The following GRIN2A variants were observed in gnomAD, a reference collection of about 807,000 sequenced individuals.
The protein encoded by GRIN2A is glutamate receptor ionotropic, NMDA 2A.
GRIN2A carries 22 observed loss-of-function variants against 113.4 expected under a neutral mutation model. The ratio of observed to expected loss-of-function variants is 0.19; its 90% CI spans 0.14 to 0.28. The LOEUF is 0.28. Among genes scored for constraint, GRIN2A ranks in the 10% least tolerant of loss-of-function variants. GRIN2A has a pLI of 1.00. For missense variants in GRIN2A, 1,502 were observed against 1,887.0 expected, an observed-to-expected ratio of 0.80 and a Z score of 3.78; for synonymous variants, 827 against 738.4, an observed-to-expected ratio of 1.12 and a Z score of -1.94.
chr16:9,993,075 A>C (rs370682429), intron 2 of GRIN2A, among the ~76,000 whole-genome samples: 18 of 150,088 alleles, frequency 1.2e-4, no homozygotes, highest in East Asian at 1.2e-3. Context: ...AAAAAACCCC[A>C]AAAAATTAGC....
At position 9,866,010 on chromosome 16, in the gene GRIN2A, C is replaced by G. The variant is rs187089107; in HGVS notation, c.1123-16049G>C. Among the ~76,000 whole-genome samples the G allele has an allele frequency of 2.0e-3, 312 of 152,282 alleles. 2 individuals carry two copies. The highest frequency in any genetic ancestry group is 6.9e-3 in the African/African-American group (288 of 41,550). ...CTAAAAATGCAGAGTTGAGTGCTTG[C>G]CATAGAGAGAGTATGGCCCACAAAG... On this transcript the variant is annotated intron_variant, in intron 4 of 12. Coordinates refer to ENST00000330684, the MANE Select transcript of GRIN2A (RefSeq NM_001134407.3).
intron 3 of GRIN2A, among the ~76,000 whole-genome samples, chr16:9,924,681 A>C (rs1483277661): frequency 1.3e-5 from 2 of 149,200 alleles, no homozygotes; most frequent in Non-Finnish European, 3.0e-5. Flanking sequence ...AACATATATT[A>C]AAATCCTCAG....
chr16:9,961,853 C>T (rs747033422), intron 2 of GRIN2A, among the ~76,000 whole-genome samples: 1 of 152,162 alleles, frequency 6.6e-6, no homozygotes, highest in Admixed American at 6.5e-5. Flanking sequence ...AAGCTGGAGG[C>T]ATCACGCTAC....
At chr16:9,782,216 T>G (rs1901978614) in intron 11 of GRIN2A, among the ~76,000 whole-genome samples, 1 of 152,210 alleles carries the variant, frequency 6.6e-6, no homozygotes, top group African/African-American at 2.4e-5. Context: ...TTCTTGTCAT[T>G]GTTTCCTAAA....
At chr16:9,972,651 G>A (rs1217491787) in intron 2 of GRIN2A, among the ~76,000 whole-genome samples, 1 of 152,198 alleles carries the variant, frequency 6.6e-6, no homozygotes, top group Non-Finnish European at 1.5e-5. Flanking sequence ...TGAGAATGAA[G>A]ATGACATAGG....
At chr16:10,113,424 C>A (rs1269317789) in intron 2 of GRIN2A, among the ~76,000 whole-genome samples, 2 of 152,312 alleles carry the variant, frequency 1.3e-5, no homozygotes, top group Non-Finnish European at 2.9e-5. Context: ...TCCCTGGCCC[C>A]GGGGAGGAGG....
chr16:10,034,117 G>T (rs2046980500), intron 2 of GRIN2A, among the ~76,000 whole-genome samples: 1 of 152,212 alleles, frequency 6.6e-6, no homozygotes, highest in Non-Finnish European at 1.5e-5. Context: ...GAGATTGGCA[G>T]TGTGAAGGTC....
rs550963424 is a variant in GRIN2A at position 9,827,513 on chromosome 16, G to A, written c.2007+1910C>T. On this transcript the variant is annotated intron_variant, in intron 9 of 12. Transcript: ENST00000330684. ...TGCAGGGAGCTCCAGAGAGTGATTCGTACCTTAAAGTTTTTCCTGCTTCGA... is the reference window on the plus strand; with the variant it reads ...TGCAGGGAGCTCCAGAGAGTGATTCATACCTTAAAGTTTTTCCTGCTTCGA... Among the ~76,000 whole-genome samples, 82 of 152,320 alleles carry A rather than the reference G, an allele frequency of 5.4e-4. 1 individual carries two copies. The highest frequency in any genetic ancestry group is 3.4e-3 in the Middle Eastern group (1 of 294).
chr16:9,896,683 G>GA lies in GRIN2A; in HGVS notation c.1008-5584dup, dbSNP rs555700434. Among the ~76,000 whole-genome samples, 6 of 150,368 alleles carry GA rather than the reference G, an allele frequency of 4.0e-5. No homozygotes were observed. The East Asian group carries it at 5.8e-4, about 15-fold the overall frequency. ...AAGTCTTCAGTCCCTTGGGAGGGGG[G>GA]AAAAAAAAACCTCTAACAGAAATTT... On this transcript the variant is annotated intron_variant, in intron 3 of 12. Coordinates refer to ENST00000330684, the MANE Select transcript of GRIN2A (RefSeq NM_001134407.3).
At chr16:10,008,935 T>C (rs893797708) in intron 2 of GRIN2A, among the ~76,000 whole-genome samples, 2 of 152,232 alleles carry the variant, frequency 1.3e-5, no homozygotes, top group Admixed American at 1.3e-4. Flanking sequence ...TGGGTCTTTT[T>C]GGTGCCAGAC....
At chr16:9,895,443 G>A (rs2043786143) in intron 3 of GRIN2A, among the ~76,000 whole-genome samples, 1 of 152,212 alleles carries the variant, frequency 6.6e-6, no homozygotes, top group Non-Finnish European at 1.5e-5. Flanking sequence ...GCTAGAGACA[G>A]ACGCAGGAGT....
chr16:9,767,575 C>CAAAA (rs547120915), intron 12 of GRIN2A, among the ~76,000 whole-genome samples: 2,569 of 147,140 alleles, frequency 0.017, 58 homozygotes, highest in African/African-American at 0.06. Flanking sequence ...GGCAAAAAAA[C>CAAAA]AAACAAAAAC....
intron 5 of GRIN2A, among the ~76,000 whole-genome samples, chr16:9,845,958 C>A (rs1173192870): frequency 6.6e-6 from 1 of 152,202 alleles, no homozygotes; most frequent in Non-Finnish European, 1.5e-5. Flanking sequence ...TCCCCTGTGC[C>A]CAGCAATGTG....
At chr16:9,779,467 A>C (rs1901810282) in intron 11 of GRIN2A, among the ~76,000 whole-genome samples, 1 of 152,194 alleles carries the variant, frequency 6.6e-6, no homozygotes, top group Non-Finnish European at 1.5e-5. Flanking sequence ...AAGGAGCTTA[A>C]TGGGCATCGG....
intron 2 of GRIN2A, among the ~76,000 whole-genome samples, chr16:10,115,074 G>A (rs2048703885): frequency 6.6e-6 from 1 of 152,156 alleles, no homozygotes; most frequent in Non-Finnish European, 1.5e-5. Flanking sequence ...CCCTTGCTGT[G>A]CATGTTCCTT....
chr16:10,133,043 G>A (rs1017423011), intron 2 of GRIN2A, among the ~76,000 whole-genome samples: 8 of 152,052 alleles, frequency 5.3e-5, no homozygotes, highest in Admixed American at 4.6e-4. Context: ...ACTCTTCCAT[G>A]CCCGCCTCTT....
intron 12 of GRIN2A, 29 bp from the exon 13 acceptor site, chr16:9,764,977 A>G (rs542872527): frequency 2.5e-6 from 4 of 1,601,320 alleles, no homozygotes; most frequent in African/African-American, 2.7e-5. Flanking sequence ...AAGCACTGTC[A>G]GCAGCAGCAG....
intron 2 of GRIN2A, among the ~76,000 whole-genome samples, chr16:10,006,177 A>T (rs2039586860): frequency 6.6e-6 from 1 of 152,372 alleles, no homozygotes; most frequent in Middle Eastern, 3.4e-3. Context: ...CAGTCGTAGA[A>T]GTCACCAACT....
At chr16:9,954,882 C>T (rs1297063246) in intron 2 of GRIN2A, among the ~76,000 whole-genome samples, 4 of 152,152 alleles carry the variant, frequency 2.6e-5, no homozygotes, top group Admixed American at 1.3e-4. Flanking sequence ...TCCAGGCCAG[C>T]GTCCTTTATG....
Sources: gnomAD v4.1 joint callset for allele counts (sites outside exome capture counted in the v4.1 genomes callset) on GRCh38, gnomAD v4.1.1 for gene constraint, MANE v1.5 for transcripts, NCBI Gene and HGNC (gene_info 2026-07-23, HGNC 2026-07-21) for gene names.